The following COL11A2 variants were observed in gnomAD, a reference collection of about 807,000 sequenced individuals.
COL11A2 encodes the protein collagen alpha-2(XI) chain.
In COL11A2, 116 loss-of-function variants were observed where a neutral mutation model predicts 273.4. The ratio of observed to expected loss-of-function variants is 0.42; its 90% CI spans 0.36 to 0.49. The LOEUF is 0.49. COL11A2 is among the 20% of genes least tolerant of loss of function. COL11A2 has a pLI of 0.00. For missense variants in COL11A2, 1,866 were observed against 2,309.0 expected (o/e 0.81, Z 3.93); for synonymous variants, 782 against 864.2 (o/e 0.90, Z 1.67).
In COL11A2 at chr6:33,176,685, G is replaced by C. The variant is rs775974988; in HGVS notation, c.2115+36C>G. On this transcript the variant is annotated intron_variant, in intron 26 of 65. Coordinates refer to ENST00000341947, the MANE Select transcript of COL11A2 (RefSeq NM_080680.3). The surrounding 1 kb of genome is among the most constrained non-coding windows in gnomAD (Gnocchi z 4.9). ...TTTGAGGCTCTAGAGTCTGAGTGGA[G>C]ACTCCCTCAGGGGATAAAGACATGG... 19 of 1,595,556 alleles carry C rather than the reference G, an allele frequency of 1.2e-5. No individual in the cohort carries two copies. Among genetic ancestry groups the C allele is most frequent in the Non-Finnish European group, 1.6e-5 (19 of 1,165,406 alleles).
rs1300500697 is a variant in COL11A2, at chr6:33,179,469, G to A, written c.1465C>T (p.Pro489Ser). 1.9e-6 allele frequency: 3 copies of A among 1,566,230 alleles called. No homozygotes were observed. The highest frequency in any genetic ancestry group is 2.6e-6 in the Non-Finnish European group (3 of 1,155,492). The change falls in exon 14 of 66, where the codon CCT becomes TCT. Residue 489 changes from proline to serine, a missense_variant. Transcript: ENST00000341947. The surrounding 1 kb of genome is among the most constrained non-coding windows in gnomAD (Gnocchi z 6.4). Reference protein sequence around the residue: ...QQARLALRGPPGPMGYTGRPG... With the variant: ...QQARLALRGPSGPMGYTGRPG... ...CGCCCTGTGTATCCCATGGGGCCAG[G>A]GGGTCCACGGAGCGCCAGCTAGGGG...
chr6:33,169,479 C>T lies in COL11A2; in HGVS notation c.3702G>A (p.Gly1234=). ...CCGACTCTCCTTTCTCTCCACGTTC[C>T]CCGCGTGGACCCTGCAGAACAAGCG... ...QGEPGVKGPR[G]ERGEKGESGQ... is the part of the protein sequence containing the mutation. The change falls in exon 51 of 66, where the codon GGG becomes GGA. Residue 1234 remains glycine, a synonymous_variant. Coordinates refer to ENST00000341947, the MANE Select transcript of COL11A2 (RefSeq NM_080680.3). The surrounding 1 kb of genome is among the most constrained non-coding windows in gnomAD (Gnocchi z 5.5). 1 of 1,612,864 alleles carries T rather than the reference C, an allele frequency of 6.2e-7. No individual in the cohort carries two copies. The highest frequency in any genetic ancestry group is 8.5e-7 in the Non-Finnish European group (1 of 1,179,972).
chr6:33,170,679 C>T lies in COL11A2; in HGVS notation c.3475-69G>A. The T allele has an allele frequency of 3.1e-6, 5 of 1,593,560 alleles. No homozygotes were observed. The highest frequency in any genetic ancestry group is 1.7e-4 in the Middle Eastern group (1 of 6,026). ...CAAAGCACAGCCCTAGGCAGATAGGCCCCACAGTCCCCTCCCCTCAGACTC... is the reference window on the plus strand; with the variant it reads ...CAAAGCACAGCCCTAGGCAGATAGGTCCCACAGTCCCCTCCCCTCAGACTC... On this transcript the variant is annotated intron_variant, in intron 46 of 65. Transcript: ENST00000341947. This position sits in a 1 kb window ranked among gnomAD's most constrained non-coding sequence, Gnocchi z 4.3.
rs1771334545 is a variant in COL11A2, at chr6:33,179,047, C to T, written c.1611+26G>A. ...CCCTGCAGGCCCTGTCTCCCCACAA[C>T]ACCCATCCACCCCTGGGGCACTCAC... On this transcript the variant is annotated intron_variant, in intron 16 of 65. Coordinates refer to ENST00000341947, the MANE Select transcript of COL11A2 (RefSeq NM_080680.3). The surrounding 1 kb of genome is among the most constrained non-coding windows in gnomAD (Gnocchi z 6.4). The T allele has an allele frequency of 6.2e-7, 1 of 1,614,050 alleles. No individual in the cohort carries two copies. Among genetic ancestry groups the T allele is most frequent in the South Asian group, 1.1e-5 (1 of 91,082 alleles).
rs1015424015 is a variant in COL11A2 at position 33,189,958 on chromosome 6, G to A, written c.83-489C>T. The stretch of plus-strand genomic sequence containing the variant: ...CATATCTCTCACTCTCTGGGTCTCT[G>A]GCATCTGTCCCGTCTCCAGCACAAA... On this transcript the variant is annotated intron_variant, in intron 1 of 65. Coordinates refer to ENST00000341947, the MANE Select transcript of COL11A2 (RefSeq NM_080680.3). The surrounding 1 kb of genome is among the most constrained non-coding windows in gnomAD (Gnocchi z 5.6). 6.6e-6 allele frequency among the ~76,000 whole-genome samples: 1 copy of A among 151,976 alleles called. No homozygotes were observed. The highest frequency in any genetic ancestry group is 1.5e-5 in the Non-Finnish European group (1 of 68,006).
rs773278434 is a variant in COL11A2, at chr6:33,179,215, G to A, written c.1557+16C>T. On this transcript the variant is annotated intron_variant, in intron 15 of 65. Coordinates refer to ENST00000341947, the MANE Select transcript of COL11A2 (RefSeq NM_080680.3). This position sits in a 1 kb window ranked among gnomAD's most constrained non-coding sequence, Gnocchi z 6.4. ...TGGTGAACAGATATGGGGGTGCAGT[G>A]GAGGAAAGTGGTCACCTGAGGTCCT... 6.8e-6 allele frequency: 11 copies of A among 1,611,988 alleles called. No individual in the cohort carries two copies. In the South Asian group the frequency reaches 1.0e-4, roughly 15 times the overall value.
intron 5 of COL11A2, 99 bp downstream of exon 5, chr6:33,186,527 AG>A: frequency 6.2e-7 from 1 of 1,602,414 alleles, no homozygotes; most frequent in Non-Finnish European, 8.5e-7. Flanking sequence ...TGATGGGAAT[AG>A]GGAGATGAGG....
At position 33,176,328 on chromosome 6, in the gene COL11A2, T is replaced by C. The variant is rs773773926; in HGVS notation, c.2170-25A>G. 10 of 1,602,812 alleles carry C rather than the reference T, an allele frequency of 6.2e-6. No homozygotes were observed. Among genetic ancestry groups the C allele is most frequent in the Non-Finnish European group, 5.1e-6 (6 of 1,174,534 alleles). On this transcript the variant is annotated intron_variant, in intron 27 of 65. Transcript: ENST00000341947. This position sits in a 1 kb window ranked among gnomAD's most constrained non-coding sequence, Gnocchi z 4.9. ...CCTAGAATTAGAGAGGGGATAGAAG[T>C]AGACTGATCAGGGGATGGAGGTGGG... is the stretch of plus-strand genomic sequence containing the variant.
chr6:33,180,949 C>T lies in COL11A2; in HGVS notation c.1221+15G>A. 5.6e-6 allele frequency: 9 copies of T among 1,613,796 alleles called. No homozygotes were observed. Among genetic ancestry groups the T allele is most frequent in the Non-Finnish European group, 6.8e-6 (8 of 1,179,880 alleles). ...TCTAAGAAAAGAATGGCCACCAGGTCACTGCTAGACTTACCGCAGGGCCTT... is the reference window on the plus strand; with the variant it reads ...TCTAAGAAAAGAATGGCCACCAGGTTACTGCTAGACTTACCGCAGGGCCTT... On this transcript the variant is annotated intron_variant, in intron 10 of 65. Transcript: ENST00000341947.
intron 8 of COL11A2, 126 bp from the exon 9 acceptor site, chr6:33,181,296 G>T: frequency 2.1e-6 from 2 of 937,292 alleles, no homozygotes; most frequent in Non-Finnish European, 3.4e-6. Context: ...CTACCCGAAA[G>T]CCCCACAGCC....
At position 33,179,708 on chromosome 6, in the gene COL11A2, GC is replaced by G; in HGVS notation, c.1446+10del. 1.2e-6 allele frequency: 2 copies of G among 1,611,238 alleles called. No homozygotes were observed. The stretch of plus-strand genomic sequence containing the variant: ...AGAGCCTTCCCTTTCCAGGGAAGCA[GC>G]CCCACTCACCCTCGCCTGCTGCAGG... On this transcript the variant is annotated intron_variant, in intron 13 of 65. Coordinates refer to ENST00000341947, the MANE Select transcript of COL11A2 (RefSeq NM_080680.3). This position sits in a 1 kb window ranked among gnomAD's most constrained non-coding sequence, Gnocchi z 6.4.
rs922135487 is a variant in COL11A2 at position 33,188,990 on chromosome 6, A to G, written c.431T>C (p.Leu144Pro). 5.0e-6 allele frequency: 8 copies of G among 1,614,070 alleles called. No individual in the cohort carries two copies. The African/African-American group carries it at 6.7e-5, about 13-fold the overall frequency. The change falls in exon 3 of 66, where the codon CTA becomes CCA. Residue 144 changes from leucine to proline, a missense_variant. Physicochemically the swap from Leu to Pro is moderately conservative, Grantham distance 98. Transcript: ENST00000341947. ...PSQPVFRGLSLADGKWHRVAV... is the reference protein window; with the variant it reads ...PSQPVFRGLSPADGKWHRVAV... ...CAAACAAACTTACTTGCCATCTGCT[A>G]GGCTGAGGCCTCGGAAGACTGGCTG...
chr6:33,168,908 A>C, intron 52 of COL11A2, 47 bp downstream of exon 52: 1 of 1,408,630 alleles, frequency 7.1e-7, no homozygotes, highest in Non-Finnish European at 9.8e-7. Context: ...ACCCCCCCAT[A>C]GAAGCCCCAC....
At chr6:33,180,853 A>C (rs1771637670) in intron 10 of COL11A2, 111 bp downstream of exon 10, 14 of 1,552,848 alleles carry the variant, frequency 9.0e-6, no homozygotes, top group Non-Finnish European at 1.2e-5. Flanking sequence ...GATTGGAGGG[A>C]TGCTCCCGAG....
In COL11A2 at chr6:33,179,711, C is replaced by G; in HGVS notation, c.1446+8G>C. The G allele has an allele frequency of 6.2e-7, 1 of 1,611,526 alleles. No homozygotes were observed. Among genetic ancestry groups the G allele is most frequent in the African/African-American group, 1.3e-5 (1 of 75,020 alleles). ...GCCTTCCCTTTCCAGGGAAGCAGCC[C>G]CACTCACCCTCGCCTGCTGCAGGAT... On this transcript the variant is annotated splice_region_variant and intron_variant, in intron 13 of 65. Transcript: ENST00000341947. The surrounding 1 kb of genome is among the most constrained non-coding windows in gnomAD (Gnocchi z 6.4).
chr6:33,180,126 C>T (rs1771525498), intron 12 of COL11A2, 132 bp downstream of exon 12: 1 of 1,014,376 alleles, frequency 9.9e-7, no homozygotes, highest in African/African-American at 1.6e-5. Context: ...AAGACGAATC[C>T]CTTTGGAGTG....
At position 33,170,257 on chromosome 6, in the gene COL11A2, A is replaced by G. The variant is rs1348694298; in HGVS notation, c.3582+69T>C. 6.3e-7 allele frequency: 1 copy of G among 1,586,280 alleles called. No individual in the cohort carries two copies. The highest frequency in any genetic ancestry group is 1.7e-5 in the Admixed American group (1 of 58,238). ...GGCCCCTGAGACGATACTAGAGTTT[A>G]TGGTCTGGGAAAGGGAGGCAGAAGA... is the stretch of plus-strand genomic sequence containing the variant. On this transcript the variant is annotated intron_variant, in intron 48 of 65. Coordinates refer to ENST00000341947, the MANE Select transcript of COL11A2 (RefSeq NM_080680.3). This position sits in a 1 kb window ranked among gnomAD's most constrained non-coding sequence, Gnocchi z 4.3.
At position 33,179,645 on chromosome 6, in the gene COL11A2, C is replaced by T; in HGVS notation, c.1446+74G>A. The T allele has an allele frequency of 1.3e-6, 2 of 1,563,774 alleles. No individual in the cohort carries two copies. The highest frequency in any genetic ancestry group is 1.7e-6 in the Non-Finnish European group (2 of 1,143,866). ...CCCAAACCAACCCAGGCCTCCCCTG[C>T]CGCACACTCACTCCAGCCAACCCTT... On this transcript the variant is annotated intron_variant, in intron 13 of 65. Coordinates refer to ENST00000341947, the MANE Select transcript of COL11A2 (RefSeq NM_080680.3). This position sits in a 1 kb window ranked among gnomAD's most constrained non-coding sequence, Gnocchi z 6.4.
Position 33,166,667 on chromosome 6 carries a change from T to C in COL11A2, c.4338+53A>G. 2 of 1,610,488 alleles carry C rather than the reference T, an allele frequency of 1.2e-6. No individual in the cohort carries two copies. The highest frequency in any genetic ancestry group is 2.2e-5 in the South Asian group (2 of 90,948). On this transcript the variant is annotated intron_variant, in intron 59 of 65. Coordinates refer to ENST00000341947, the MANE Select transcript of COL11A2 (RefSeq NM_080680.3). The surrounding 1 kb of genome is among the most constrained non-coding windows in gnomAD (Gnocchi z 4.8). Reference sequence around the variant, plus strand: ...TGAGTCCCAACTCCAACTCCACCCCTCTCCACCCCACTCTCAACCCCCACA... The same window carrying C: ...TGAGTCCCAACTCCAACTCCACCCCCCTCCACCCCACTCTCAACCCCCACA...
Sources: gnomAD v4.1 joint callset for allele counts (sites outside exome capture counted in the v4.1 genomes callset) on GRCh38, gnomAD v4.1.1 for gene constraint, Gnocchi (gnomAD v3.1) non-coding constraint, MANE v1.5 for transcripts, NCBI Gene and HGNC (gene_info 2026-07-23, HGNC 2026-07-21) for gene names.